Variants in FAM184B observed in about 807,000 individuals in gnomAD.
FAM184B encodes family with sequence similarity 184 member B, also known as protein FAM184B.
FAM184B carries 111 observed loss-of-function variants against 135.9 expected under a neutral mutation model. The ratio of observed to expected loss-of-function variants is 0.82; its 90% CI spans 0.70 to 0.96. The LOEUF is 0.96. FAM184B is among the 40% of genes least tolerant of loss of function. The probability of loss-of-function intolerance (pLI) is 0.00; values close to 1 mark genes in which losing one functional copy is unlikely to be tolerated. For synonymous variants in FAM184B, 552 were observed against 524.8 expected (o/e 1.05, Z -0.71); for missense variants, 1,375 against 1,323.9 (o/e 1.04, Z -0.60).
intron 1 of FAM184B, among the ~76,000 whole-genome samples, chr4:17,744,188 A>G (rs1262860629): frequency 6.6e-6 from 1 of 152,092 alleles, no homozygotes; most frequent in African/African-American, 2.4e-5. Flanking sequence ...CCTATCTTAA[A>G]GTCAATTTAT....
intron 1 of FAM184B, among the ~76,000 whole-genome samples, chr4:17,735,518 A>T (rs1717887448): frequency 6.6e-6 from 1 of 152,124 alleles, no homozygotes; most frequent in African/African-American, 2.4e-5. Context: ...TCTATGTCCA[A>T]TATTGTATTT....
chr4:17,683,181 A>G (rs966459148), intron 7 of FAM184B, among the ~76,000 whole-genome samples: 1 of 152,172 alleles, frequency 6.6e-6, no homozygotes, highest in Non-Finnish European at 1.5e-5. Flanking sequence ...CTAATTGGCA[A>G]AGTTCAGAAA....
chr4:17,768,184 G>A (rs1357970213), intron 1 of FAM184B, among the ~76,000 whole-genome samples: 1 of 152,038 alleles, frequency 6.6e-6, no homozygotes, highest in East Asian at 1.9e-4. Flanking sequence ...AAGACATCAA[G>A]CAATTAAAAA....
intron 7 of FAM184B, among the ~76,000 whole-genome samples, chr4:17,670,138 C>A (rs1470947478): frequency 6.6e-6 from 1 of 152,148 alleles, no homozygotes; most frequent in Non-Finnish European, 1.5e-5. Flanking sequence ...CTCTGGGACA[C>A]AGATAAGACA....
chr4:17,645,160 G>T (rs924430227), intron 12 of FAM184B, among the ~76,000 whole-genome samples: 13 of 152,268 alleles, frequency 8.5e-5, no homozygotes, highest in South Asian at 2.1e-4. Flanking sequence ...TACTGCCCAA[G>T]GTAATTTATA....
At chr4:17,778,151 T>G (rs960755256) in intron 1 of FAM184B, among the ~76,000 whole-genome samples, 1 of 151,540 alleles carries the variant, frequency 6.6e-6, no homozygotes, top group Admixed American at 6.6e-5. Flanking sequence ...GAAAACCTGC[T>G]GGACAGTAAA....
chr4:17,712,355 C>T (rs1040843926), intron 1 of FAM184B, among the ~76,000 whole-genome samples: 1 of 152,168 alleles, frequency 6.6e-6, no homozygotes, highest in Non-Finnish European at 1.5e-5. Flanking sequence ...GAGACGTCCT[C>T]ACTGAGAACA....
Position 17,688,680 on chromosome 4 carries a change from C to CTTTT in FAM184B, c.1489-153_1489-150dup, listed in dbSNP as rs34337003. 475 of 117,810 alleles carry CTTTT rather than the reference C, an allele frequency of 4.0e-3. 4 individuals are homozygous for CTTTT. The highest frequency in any genetic ancestry group is 0.011 in the South Asian group (76 of 6,738). The allele number at this position is 117,810 out of a possible 1,614,324, so 7.3% of individuals were successfully genotyped here. A position where few individuals can be genotyped will look rare whatever the true frequency, so the allele number is the denominator to read the frequency against. Reference sequence around the variant, plus strand: ...ATTCTACACACACTTCTAGAAATGCCTTTTTTTTTTTTTTTTTTTTTTTTT... The same window carrying CTTTT: ...ATTCTACACACACTTCTAGAAATGCCTTTTTTTTTTTTTTTTTTTTTTTTTTTTT... On this transcript the variant is annotated intron_variant, in intron 6 of 17. Coordinates refer to ENST00000265018, the MANE Select transcript of FAM184B (RefSeq NM_015688.2).
At chr4:17,690,362 G>C (rs555180906) in intron 6 of FAM184B, among the ~76,000 whole-genome samples, 7 of 152,136 alleles carry the variant, frequency 4.6e-5, no homozygotes, top group Admixed American at 4.6e-4. Context: ...AGTGAAGGAC[G>C]GGACAGAGGC....
intron 12 of FAM184B, among the ~76,000 whole-genome samples, chr4:17,643,108 G>A (rs893527255): frequency 6.6e-5 from 10 of 152,160 alleles, no homozygotes; most frequent in African/African-American, 2.4e-4. Context: ...AGCAAGAGCA[G>A]GGGGGTTACT....
At chr4:17,737,668 C>T (rs183649110) in intron 1 of FAM184B, among the ~76,000 whole-genome samples, 469 of 152,238 alleles carry the variant, frequency 3.1e-3, no homozygotes, top group Non-Finnish European at 4.5e-3. Flanking sequence ...TTCAGTGTTC[C>T]TCCCCCGAAC....
chr4:17,633,581 G>A, intron 17 of FAM184B, 108 bp downstream of exon 17: 3 of 1,070,386 alleles, frequency 2.8e-6, no homozygotes, highest in Non-Finnish European at 3.8e-6. Context: ...AATCATCCAT[G>A]AAAAAAGGCC....
At position 17,718,428 on chromosome 4, in the gene FAM184B, A is replaced by G. The variant is rs758346129; in HGVS notation, c.142-8784T>C. Among the ~76,000 whole-genome samples, 25 of 152,344 alleles carry G rather than the reference A, an allele frequency of 1.6e-4. No individual in the cohort carries two copies. In the Middle Eastern group the frequency reaches 0.01, roughly 62 times the overall value. ...CCTGGCATGATACTAGGCATGGGAAAAACAGAACAAATAAGACCATTCTGT... is the reference window on the plus strand; with the variant it reads ...CCTGGCATGATACTAGGCATGGGAAGAACAGAACAAATAAGACCATTCTGT... On this transcript the variant is annotated intron_variant, in intron 1 of 17. Transcript: ENST00000265018.
At chr4:17,776,080 A>G (rs1323522806) in intron 1 of FAM184B, among the ~76,000 whole-genome samples, 1 of 152,194 alleles carries the variant, frequency 6.6e-6, no homozygotes, top group Non-Finnish European at 1.5e-5. Context: ...GGTGATTTTA[A>G]TGGGCACCTT....
rs111277822 is a variant in FAM184B at position 17,686,726 on chromosome 4, G to A, written c.1596+1698C>T. Among the ~76,000 whole-genome samples, 715 of 152,358 alleles carry A rather than the reference G, an allele frequency of 4.7e-3. 8 individuals are homozygous for A. Among genetic ancestry groups the A allele is most frequent in the African/African-American group, 0.016 (675 of 41,578 alleles). ...GGAGGCCAAGAAAGGAGGATCACCT[G>A]AGGTCAGGAGTTCGAGACTAGCCTG... On this transcript the variant is annotated intron_variant, in intron 7 of 17. Transcript: ENST00000265018.
intron 2 of FAM184B, 139 bp from the exon 3 acceptor site, chr4:17,707,923 G>A (rs2108965359): frequency 1.1e-6 from 1 of 899,966 alleles, no homozygotes; most frequent in African/African-American, 1.7e-5. Flanking sequence ...CAGTGGCCCA[G>A]GGCTCATCAA....
intron 1 of FAM184B, among the ~76,000 whole-genome samples, chr4:17,750,510 G>T (rs1022093248): frequency 6.6e-6 from 1 of 152,082 alleles, no homozygotes; most frequent in African/African-American, 2.4e-5. Context: ...GGCATTTTGG[G>T]CTGGATAATT....
chr4:17,762,984 C>A (rs1718579684), intron 1 of FAM184B, among the ~76,000 whole-genome samples: 1 of 152,192 alleles, frequency 6.6e-6, no homozygotes, highest in Non-Finnish European at 1.5e-5. Flanking sequence ...CACAGCTGAA[C>A]AGCTCTGCTA....
chr4:17,649,354 G>A (rs1162257468), intron 11 of FAM184B, among the ~76,000 whole-genome samples: 3 of 152,142 alleles, frequency 2.0e-5, no homozygotes, highest in Non-Finnish European at 4.4e-5. Context: ...GGAGGCCGAC[G>A]TGGGTGGATC....
Sources: gnomAD v4.1 joint callset for allele counts (sites outside exome capture counted in the v4.1 genomes callset) on GRCh38, gnomAD v4.1.1 for gene constraint, MANE v1.5 for transcripts, NCBI Gene and HGNC (gene_info 2026-07-23, HGNC 2026-07-21) for gene names.